The following LIMS1 variants were observed in gnomAD, a reference collection of about 807,000 sequenced individuals.
LIMS1 encodes LIM and senescent cell antigen-like-containing domain protein 1.
LIMS1 carries 18 observed loss-of-function variants against 44.1 expected under a neutral mutation model. The ratio of observed to expected loss-of-function variants is 0.41; its 90% CI spans 0.28 to 0.61. LIMS1 has a LOEUF of 0.61. Ranked by LOEUF, LIMS1 falls within the 20% of genes least tolerant of loss-of-function variation. LIMS1 has a pLI of 0.32. For missense variants in LIMS1, 201 were observed against 422.0 expected (o/e 0.48, Z 4.59); for synonymous variants, 93 against 149.1 (o/e 0.62, Z 2.74).
chr2:108,561,740 T>C (rs1685127715), intron 1 of LIMS1, among the ~76,000 whole-genome samples: 1 of 120,430 alleles, frequency 8.3e-6, no homozygotes, highest in South Asian at 3.0e-4. Context: ...AGCAGTGTTT[T>C]TTTTTGTTTT....
intron 1 of LIMS1, among the ~76,000 whole-genome samples, chr2:108,605,394 A>G (rs1687219112): frequency 6.6e-6 from 1 of 152,210 alleles, no homozygotes. Context: ...TCTACTTAAA[A>G]TTAACCCAAG....
chr2:108,569,771 T>TTTTTTTTTTTTTTTTTTTTTTTC (rs1685423857), intron 1 of LIMS1, among the ~76,000 whole-genome samples: 1 of 144,402 alleles, frequency 6.9e-6, no homozygotes, highest in Non-Finnish European at 1.5e-5. Flanking sequence ...TGGCTTTTTT[T>TTTTTTTTTTTTTTTTTTTTTTTC]TTTTTTTTTT....
At chr2:108,587,170 T>G (rs1255674399) in intron 1 of LIMS1, among the ~76,000 whole-genome samples, 1 of 152,118 alleles carries the variant, frequency 6.6e-6, no homozygotes, top group Non-Finnish European at 1.5e-5. Context: ...AACCCTTCCC[T>G]GTAAATAGTC....
At chr2:108,631,791 A>G (rs1036613385) in intron 1 of LIMS1, among the ~76,000 whole-genome samples, 1 of 152,226 alleles carries the variant, frequency 6.6e-6, no homozygotes, top group African/African-American at 2.4e-5. Context: ...GTCTGGGAGC[A>G]GTGGTGCAGA....
intron 1 of LIMS1, among the ~76,000 whole-genome samples, chr2:108,623,944 C>G (rs1390985512): frequency 6.6e-6 from 1 of 152,236 alleles, no homozygotes; most frequent in African/African-American, 2.4e-5. Context: ...GAAAATAGTT[C>G]CGGCGTCAAA....
intron 1 of LIMS1, among the ~76,000 whole-genome samples, chr2:108,587,302 G>T (rs1028651203): frequency 7.4e-5 from 9 of 122,080 alleles, no homozygotes; most frequent in African/African-American, 1.6e-4. Context: ...GTGTGTGTGT[G>T]TGTGTGTGTG....
chr2:108,548,241 TG>T (rs1477234772), intron 1 of LIMS1, among the ~76,000 whole-genome samples: 1 of 151,980 alleles, frequency 6.6e-6, no homozygotes, highest in Non-Finnish European at 1.5e-5. Context: ...AACTTTGAGG[TG>T]GGTGTAAGGG....
chr2:108,671,016 C>T (rs1241525939), intron 3 of LIMS1, 169 bp downstream of exon 3: 2 of 874,560 alleles, frequency 2.3e-6, no homozygotes, highest in Non-Finnish European at 1.8e-6. Context: ...ACTAAAAATA[C>T]AAAAATTAAC....
At chr2:108,554,377 C>T (rs950113100) in intron 1 of LIMS1, among the ~76,000 whole-genome samples, 3 of 152,156 alleles carry the variant, frequency 2.0e-5, no homozygotes, top group Non-Finnish European at 4.4e-5. Flanking sequence ...ACTCTATTCC[C>T]GAGGAGTGGT....
At position 108,572,700 on chromosome 2, in the gene LIMS1, G is replaced by A. The variant is rs1685524109; in HGVS notation, c.32+38106G>A. ...CGCCCGGCCTGACTCTTTTGCTCTT[G>A]ATGTGTATAGGAGGAATAAGCTACA... On this transcript the variant is annotated intron_variant, in intron 1 of 9. Coordinates refer to ENST00000544547, the Ensembl canonical transcript of LIMS1. Among the ~76,000 whole-genome samples the A allele has an allele frequency of 2.0e-5, 3 of 152,100 alleles. No homozygotes were observed. The South Asian group carries it at 6.2e-4, about 32-fold the overall frequency.
At chr2:108,545,623 A>G (rs996894948) in intron 1 of LIMS1, among the ~76,000 whole-genome samples, 2 of 151,958 alleles carry the variant, frequency 1.3e-5, no homozygotes, top group African/African-American at 4.8e-5. Context: ...GGACCACTTT[A>G]CTCTCTTAAA....
intron 1 of LIMS1, among the ~76,000 whole-genome samples, chr2:108,572,707 A>T (rs998967790): frequency 1.3e-5 from 2 of 152,104 alleles, no homozygotes; most frequent in Non-Finnish European, 2.9e-5. Flanking sequence ...CTTGATGTGT[A>T]TAGGAGGAAT....
At chr2:108,574,421 C>G (rs1027291708) in intron 1 of LIMS1, among the ~76,000 whole-genome samples, 6 of 152,264 alleles carry the variant, frequency 3.9e-5, no homozygotes, top group Admixed American at 2.0e-4. Context: ...GCTTTTTTCT[C>G]ATCTGGCTGC....
chr2:108,605,290 C>T (rs1263819256), intron 1 of LIMS1, among the ~76,000 whole-genome samples: 1 of 152,148 alleles, frequency 6.6e-6, no homozygotes, highest in Non-Finnish European at 1.5e-5. Context: ...TGGGGACAGA[C>T]TTCCCCTGCT....
intron 1 of LIMS1, among the ~76,000 whole-genome samples, chr2:108,544,622 G>A (rs757998783): frequency 1.4e-4 from 21 of 152,132 alleles, no homozygotes; most frequent in Non-Finnish European, 2.6e-4. Context: ...AGCCTCCCAA[G>A]TAGCTGCGAT....
intron 1 of LIMS1, among the ~76,000 whole-genome samples, chr2:108,578,509 G>C (rs1290338775): frequency 6.6e-6 from 1 of 151,504 alleles, no homozygotes; most frequent in Non-Finnish European, 1.5e-5. Flanking sequence ...GAAGGTTAAT[G>C]CCTTAGCTGA....
intron 1 of LIMS1, among the ~76,000 whole-genome samples, chr2:108,591,485 G>A (rs987652337): frequency 2.0e-5 from 3 of 152,102 alleles, no homozygotes; most frequent in African/African-American, 4.8e-5. Flanking sequence ...TGATTGACAA[G>A]GTCTTGCTCT....
At chr2:108,572,971 C>T (rs1411658331) in intron 1 of LIMS1, among the ~76,000 whole-genome samples, 2 of 152,158 alleles carry the variant, frequency 1.3e-5, no homozygotes, top group African/African-American at 4.8e-5. Flanking sequence ...TGGGCCACAT[C>T]AGACTGAGTG....
chr2:108,571,231 G>A (rs1255783456), intron 1 of LIMS1, among the ~76,000 whole-genome samples: 2 of 152,186 alleles, frequency 1.3e-5, no homozygotes, highest in Non-Finnish European at 2.9e-5. Flanking sequence ...ATATAAGGTT[G>A]TCTTTCTAGA....
Sources: allele counts gnomAD v4.1 joint callset (sites outside exome capture counted in the v4.1 genomes callset), GRCh38; gene constraint gnomAD v4.1.1; transcripts MANE v1.5; gene names NCBI Gene and HGNC (gene_info 2026-07-23, HGNC 2026-07-21).